Variants in HAT1 observed in about 807,000 individuals in gnomAD.
The protein encoded by HAT1 is histone acetyltransferase 1.
HAT1 carries 20 observed loss-of-function variants against 56.6 expected under a neutral mutation model. The ratio of observed to expected loss-of-function variants is 0.35; its 90% confidence interval spans 0.25 to 0.51. The LOEUF is 0.51. HAT1 is among the 20% of genes least tolerant of loss of function. The pLI, the probability that HAT1 is intolerant of heterozygous loss-of-function variation, is 0.95. For synonymous variants in HAT1, 146 were observed against 165.5 expected (o/e 0.88, Z 0.91); for missense variants, 408 against 504.3 (o/e 0.81, Z 1.83).
intron 2 of HAT1, among the ~76,000 whole-genome samples, chr2:171,941,385 G>A (rs1432288379): frequency 6.6e-6 from 1 of 152,124 alleles, no homozygotes; most frequent in East Asian, 1.9e-4. Context: ...GCTAAGTTTT[G>A]TATTTTTAGT....
chr2:171,966,851 T>C lies in HAT1; in HGVS notation c.725T>C (p.Leu242Pro). 1 of 1,525,914 alleles carries C rather than the reference T, an allele frequency of 6.6e-7. No individual in the cohort carries two copies. The highest frequency in any genetic ancestry group is 9.1e-7 in the Non-Finnish European group (1 of 1,102,424). 94.5% of individuals were successfully genotyped at this position (1,525,914 alleles called of 1,614,324 possible). A position where few individuals can be genotyped will look rare whatever the true frequency, so the allele number is the denominator to read the frequency against. Reference protein sequence around the residue: ...DKTRPRVSQMLILTPFQGQGH... With the variant: ...DKTRPRVSQMPILTPFQGQGH... Reference sequence around the variant, plus strand: ...TAATTTCTTTACTGTAGTCAGATGCTGATTTTGACTCCATTTCAAGGTCAA... The same window carrying C: ...TAATTTCTTTACTGTAGTCAGATGCCGATTTTGACTCCATTTCAAGGTCAA... The change falls in exon 8 of 11, where the codon CTG becomes CCG. Residue 242 changes from leucine to proline, a missense_variant. Transcript: ENST00000264108.
At chr2:171,948,584 G>A (rs181320234) in intron 3 of HAT1, among the ~76,000 whole-genome samples, 7 of 152,270 alleles carry the variant, frequency 4.6e-5, no homozygotes, top group Admixed American at 3.9e-4. Context: ...TTGATTTCTA[G>A]TAATTCCTTT....
intron 2 of HAT1, among the ~76,000 whole-genome samples, chr2:171,943,962 A>G (rs1687093079): frequency 6.6e-6 from 1 of 151,950 alleles, no homozygotes; most frequent in African/African-American, 2.4e-5. Context: ...AGCCTGGGCA[A>G]CAAAGACCCC....
At chr2:171,923,219 G>C (rs538098052) in intron 1 of HAT1, 4 of 152,154 alleles carry the variant, frequency 2.6e-5, no homozygotes, top group Non-Finnish European at 4.4e-5. Flanking sequence ...CGTGTATTAA[G>C]GCTGTTTTGG....
intron 3 of HAT1, among the ~76,000 whole-genome samples, chr2:171,947,010 TG>T (rs1400513778): frequency 2.0e-4 from 30 of 152,282 alleles, no homozygotes; most frequent in African/African-American, 7.0e-4. Context: ...GTATTAATGA[TG>T]GTATTATTAT....
chr2:171,957,147 G>A (rs1687467780), intron 4 of HAT1, among the ~76,000 whole-genome samples: 1 of 152,104 alleles, frequency 6.6e-6, no homozygotes, highest in African/African-American at 2.4e-5. Flanking sequence ...ATGAAGGAAG[G>A]CTGTATGAAC....
At chr2:171,951,084 T>TACAGGCGTGAGAAAC (rs1166158862) in intron 3 of HAT1, among the ~76,000 whole-genome samples, 2 of 152,250 alleles carry the variant, frequency 1.3e-5, no homozygotes, top group Non-Finnish European at 2.9e-5. Flanking sequence ...GTGCTGGGAT[T>TACAGGCGTGAGAAAC]ACAGGCGTGA....
chr2:171,937,113 C>T (rs1462010763), intron 2 of HAT1, among the ~76,000 whole-genome samples: 1 of 152,048 alleles, frequency 6.6e-6, no homozygotes, highest in East Asian at 1.9e-4. Context: ...TGCCACCACG[C>T]CCAGTGAATT....
At chr2:171,969,421 T>C (rs997841318) in intron 8 of HAT1, among the ~76,000 whole-genome samples, 1 of 152,176 alleles carries the variant, frequency 6.6e-6, no homozygotes, top group Non-Finnish European at 1.5e-5. Flanking sequence ...CTAATATGTA[T>C]GTTAATATGA....
intron 4 of HAT1, among the ~76,000 whole-genome samples, chr2:171,960,314 G>A (rs970928758): frequency 1.2e-4 from 18 of 152,104 alleles, no homozygotes; most frequent in African/African-American, 4.1e-4. Context: ...GAAAAAAAAC[G>A]AGAACCCCAT....
At chr2:171,946,667 A>C (rs1687172574) in intron 2 of HAT1, 41 bp from the exon 3 acceptor site, 1 of 1,104,188 alleles carries the variant, frequency 9.1e-7, no homozygotes, top group Admixed American at 1.8e-5. Context: ...CAATATCTTT[A>C]GTTATCTTTA....
intron 8 of HAT1, among the ~76,000 whole-genome samples, chr2:171,970,430 TACAC>T (rs929600467): frequency 7.1e-6 from 1 of 140,384 alleles, no homozygotes; most frequent in Admixed American, 7.2e-5. Context: ...CACACACACA[TACAC>T]ACACACAGCC....
chr2:171,934,134 G>T (rs901435459), intron 2 of HAT1, among the ~76,000 whole-genome samples: 1 of 152,014 alleles, frequency 6.6e-6, no homozygotes, highest in African/African-American at 2.4e-5. Context: ...CTTTATCTCT[G>T]TCCCCTCTTT....
intron 8 of HAT1, among the ~76,000 whole-genome samples, chr2:171,969,369 C>T (rs1384763834): frequency 6.6e-6 from 1 of 151,964 alleles, no homozygotes; most frequent in South Asian, 2.1e-4. Context: ...GGTGATTGTG[C>T]TGTTATCTCA....
chr2:171,971,116 C>T (rs1380718537), intron 8 of HAT1, among the ~76,000 whole-genome samples: 2 of 152,080 alleles, frequency 1.3e-5, no homozygotes, highest in African/African-American at 4.8e-5. Context: ...AGGAGAATGG[C>T]GTAAACCCAG....
chr2:171,975,677 G>A (rs1687943241), intron 8 of HAT1, among the ~76,000 whole-genome samples: 1 of 151,904 alleles, frequency 6.6e-6, no homozygotes, highest in African/African-American at 2.4e-5. Flanking sequence ...TTTAATTCTT[G>A]TGATTTTTGT....
intron 8 of HAT1, among the ~76,000 whole-genome samples, chr2:171,969,463 T>C (rs1687762672): frequency 6.6e-6 from 1 of 152,218 alleles, no homozygotes; most frequent in Non-Finnish European, 1.5e-5. Flanking sequence ...CTAGATGATG[T>C]ATTACATTTA....
chr2:171,930,891 A>AGGGC (rs759211197), intron 2 of HAT1, among the ~76,000 whole-genome samples: 1 of 152,006 alleles, frequency 6.6e-6, no homozygotes, highest in Non-Finnish European at 1.5e-5. Flanking sequence ...CTAGGGTTGC[A>AGGGC]GACATAAGCC....
intron 2 of HAT1, among the ~76,000 whole-genome samples, chr2:171,925,947 A>G (rs1686578429): frequency 6.6e-6 from 1 of 152,348 alleles, no homozygotes; most frequent in African/African-American, 2.4e-5. Context: ...ATAATAAACA[A>G]TAGCAAATAT....
Sources: gnomAD v4.1 joint callset for allele counts (sites outside exome capture counted in the v4.1 genomes callset) on GRCh38, gnomAD v4.1.1 for gene constraint, MANE v1.5 for transcripts, NCBI Gene and HGNC (gene_info 2026-07-23, HGNC 2026-07-21) for gene names.